Variants in PPFIA2 observed in about 807,000 individuals in gnomAD.
The protein encoded by PPFIA2 is PPFI scaffold protein A2.
In PPFIA2, 46 loss-of-function variants were observed where a neutral mutation model predicts 175.5. The ratio of observed to expected loss-of-function variants is 0.26; its 90% CI spans 0.21 to 0.34. PPFIA2 has a LOEUF of 0.34. Ranked by LOEUF, PPFIA2 falls within the 10% of genes least tolerant of loss-of-function variation. The pLI, the probability that PPFIA2 is intolerant of heterozygous loss-of-function variation, is 1.00. For synonymous variants in PPFIA2, 568 were observed against 511.4 expected (o/e 1.11, Z -1.49); for missense variants, 1,179 against 1,506.1 (o/e 0.78, Z 3.60).
intron 4 of PPFIA2, among the ~76,000 whole-genome samples, chr12:81,610,379 T>C (rs2060769576): frequency 6.6e-6 from 1 of 152,212 alleles, no homozygotes; most frequent in Non-Finnish European, 1.5e-5. Flanking sequence ...AGGATGCCAA[T>C]GAATCATAGA....
chr12:81,613,687 T>A (rs1179461378), intron 4 of PPFIA2, among the ~76,000 whole-genome samples: 1 of 152,152 alleles, frequency 6.6e-6, no homozygotes, highest in Non-Finnish European at 1.5e-5. Context: ...GTTTCCTTAG[T>A]GTGCAAAAGT....
In PPFIA2 at chr12:81,695,733, T is replaced by C. The variant is rs539168899; in HGVS notation, c.250-18889A>G. On this transcript the variant is annotated intron_variant, in intron 3 of 32. Coordinates refer to ENST00000549396, the MANE Select transcript of PPFIA2 (RefSeq NM_003625.5). ...GTTCAGAAAAACACCAGCCAAAAAA[T>C]AAAAATATAGTTTCATTAGCAAACT... Among the ~76,000 whole-genome samples the C allele has an allele frequency of 2.0e-5, 3 of 152,258 alleles. No individual in the cohort carries two copies. In the South Asian group the frequency reaches 6.2e-4, roughly 32 times the overall value.
chr12:81,264,903 T>C lies in PPFIA2; in HGVS notation c.3556-1513A>G, dbSNP rs887507847. Among the ~76,000 whole-genome samples the C allele has an allele frequency of 5.3e-5, 8 of 152,334 alleles. No homozygotes were observed. In the East Asian group the frequency reaches 1.5e-3, roughly 29 times the overall value. On this transcript the variant is annotated intron_variant, in intron 30 of 32. Coordinates refer to ENST00000549396, the MANE Select transcript of PPFIA2 (RefSeq NM_003625.5). ...ACTTCTTGATTCTTGGAGAAGTTTT[T>C]GCATTAAGCATAAATAGTCTTCAGT...
At position 81,445,565 on chromosome 12, in the gene PPFIA2, C is replaced by T. The variant is rs1338705546; in HGVS notation, c.561G>A (p.Leu187=). The T allele has an allele frequency of 1.2e-6, 2 of 1,612,848 alleles. No homozygotes were observed. Among genetic ancestry groups the T allele is most frequent in the Non-Finnish European group, 1.7e-6 (2 of 1,179,464 alleles). ...TTTTTCCATACTATACCTTTTCATC[C>T]AAGGCCTTGTGGTGCTCAAACAAAG... ...LKSLFEHHKA[L]DEKVRERLRV... Residue 187 remains leucine, a synonymous_variant, in exon 6 of 33, where the codon TTG becomes TTA. Coordinates refer to ENST00000549396, the MANE Select transcript of PPFIA2 (RefSeq NM_003625.5).
chr12:81,296,892 G>C (rs1210537887), intron 23 of PPFIA2: 1 of 151,806 alleles, frequency 6.6e-6, no homozygotes, highest in Admixed American at 6.6e-5. Flanking sequence ...TCCTTCTTTT[G>C]GGGGTAGGAT....
In PPFIA2 at chr12:81,300,873, T is replaced by C. The variant is rs143666057; in HGVS notation, c.2643-1491A>G. On this transcript the variant is annotated intron_variant, in intron 22 of 32. Coordinates refer to ENST00000549396, the MANE Select transcript of PPFIA2 (RefSeq NM_003625.5). ...CTATTAGGTACTTATTGAACACCTG[T>C]TGTGGACTGAGACTTGTGTTTGGTG... 3.7e-3 allele frequency among the ~76,000 whole-genome samples: 566 copies of C among 152,270 alleles called. 10 individuals are homozygous for C. The highest frequency in any genetic ancestry group is 0.013 in the African/African-American group (543 of 41,572).
At chr12:81,482,825 C>G (rs1593720082) in intron 4 of PPFIA2, among the ~76,000 whole-genome samples, 1 of 152,044 alleles carries the variant, frequency 6.6e-6, no homozygotes, top group African/African-American at 2.4e-5. Flanking sequence ...ACCACCATGG[C>G]ACATGTGTAC....
intron 4 of PPFIA2, among the ~76,000 whole-genome samples, chr12:81,547,663 G>GA (rs1460675260): frequency 3.9e-5 from 6 of 152,036 alleles, no homozygotes; most frequent in Non-Finnish European, 2.9e-5. Flanking sequence ...AAGAGTTAGA[G>GA]AAAAAACAAA....
intron 3 of PPFIA2, among the ~76,000 whole-genome samples, chr12:81,720,703 C>A (rs890898043): frequency 6.6e-6 from 1 of 151,352 alleles, no homozygotes; most frequent in South Asian, 2.1e-4. Flanking sequence ...TATGTACAAA[C>A]ACCTTATCAA....
chr12:81,345,478 T>TTC (rs905614369), intron 18 of PPFIA2, among the ~76,000 whole-genome samples: 5 of 151,570 alleles, frequency 3.3e-5, no homozygotes, highest in South Asian at 2.1e-4. Flanking sequence ...ACTGGCATCT[T>TTC]TCTCTCTCTC....
chr12:81,338,407 G>A (rs1056140346), intron 21 of PPFIA2, among the ~76,000 whole-genome samples: 3 of 152,002 alleles, frequency 2.0e-5, no homozygotes, highest in Admixed American at 1.3e-4. Flanking sequence ...TATGTATCAT[G>A]TATGTATATA....
rs1010047589 is a variant in PPFIA2, at chr12:81,258,204, C to CTGA, written c.*1487_*1489dup. The CTGA allele has an allele frequency of 1.3e-5, 2 of 152,056 alleles. No individual in the cohort carries two copies. Among genetic ancestry groups the CTGA allele is most frequent in the Non-Finnish European group, 2.9e-5 (2 of 68,008 alleles). The allele number at this position is 152,056 out of a possible 1,614,324, so 9.4% of individuals were successfully genotyped here. ...TTGGGTCACCCAAAGAACACATTTC[C>CTGA]TGATAGTTTAAGTAAATTGTCGAGC... On this transcript the variant is annotated 3_prime_UTR_variant, in exon 33 of 33. Coordinates refer to ENST00000549396, the MANE Select transcript of PPFIA2 (RefSeq NM_003625.5).
chr12:81,569,799 A>T (rs1200024209), intron 4 of PPFIA2, among the ~76,000 whole-genome samples: 2 of 152,134 alleles, frequency 1.3e-5, no homozygotes, highest in Non-Finnish European at 2.9e-5. Context: ...TATTTAATAC[A>T]CAAAATATAG....
chr12:81,534,580 A>G (rs929992391), intron 4 of PPFIA2, among the ~76,000 whole-genome samples: 1 of 151,754 alleles, frequency 6.6e-6, no homozygotes. Context: ...AGGGACCCTA[A>G]GCACTAATAA....
Position 81,395,697 on chromosome 12 carries a change from A to G in PPFIA2, c.762+10090T>C, listed in dbSNP as rs1371915881. 2.0e-5 allele frequency among the ~76,000 whole-genome samples: 3 copies of G among 152,060 alleles called. No homozygotes were observed. The South Asian group carries it at 6.2e-4, about 31-fold the overall frequency. ...AGAAATTGGGAGTCGTCATGCCAAG[A>G]CAGATTTATAATCTGTTCTTCAGAG... On this transcript the variant is annotated intron_variant, in intron 8 of 32. Transcript: ENST00000549396.
At chr12:81,366,019 TTC>T in intron 14 of PPFIA2, among the ~76,000 whole-genome samples, 1 of 103,356 alleles carries the variant, frequency 9.7e-6, no homozygotes, top group Non-Finnish European at 1.9e-5. Context: ...CCTTCCTTCC[TTC>T]CTTCCTTCCT....
chr12:81,474,824 T>A (rs184055848), intron 4 of PPFIA2, among the ~76,000 whole-genome samples: 22 of 152,346 alleles, frequency 1.4e-4, no homozygotes, highest in Admixed American at 1.1e-3. Context: ...ATAAGTTTGC[T>A]AATTTTGCCC....
intron 6 of PPFIA2, 89 bp from the exon 7 acceptor site, chr12:81,440,135 T>C (rs565733040): frequency 2.1e-6 from 2 of 934,674 alleles, no homozygotes; most frequent in African/African-American, 3.5e-5. Flanking sequence ...TCAGAGACAG[T>C]CAATTTGGCA....
At chr12:81,561,551 A>AG (rs1451129586) in intron 4 of PPFIA2, among the ~76,000 whole-genome samples, 3 of 152,178 alleles carry the variant, frequency 2.0e-5, no homozygotes, top group Admixed American at 6.5e-5. Flanking sequence ...TTGGTATGTT[A>AG]GAAAAACTCC....
Sources: allele counts gnomAD v4.1 joint callset (sites outside exome capture counted in the v4.1 genomes callset), GRCh38; gene constraint gnomAD v4.1.1; transcripts MANE v1.5; gene names NCBI Gene and HGNC (gene_info 2026-07-23, HGNC 2026-07-21).